SH3TC1: variants seen among roughly 807,000 people sequenced by gnomAD.
SH3TC1 encodes the protein SH3 domain and tetratricopeptide repeat-containing protein 1.
A neutral mutation model predicts 117.3 loss-of-function variants in SH3TC1; 135 were observed. That is an observed-to-expected ratio of 1.15 (90% CI 1.00 to 1.33). The LOEUF (loss-of-function observed/expected upper bound fraction) is 1.33, where lower values mean the gene tolerates loss of function less well. Among genes scored for constraint, SH3TC1 ranks in the 40% most tolerant of loss-of-function variants. SH3TC1 has a pLI of 0.00. For synonymous variants in SH3TC1, 898 were observed against 816.9 expected, an observed-to-expected ratio of 1.10 and a Z score of -1.69; for missense variants, 2,092 against 1,794.3, an observed-to-expected ratio of 1.17 and a Z score of -3.00.
chr4:8,212,698 C>T lies in SH3TC1; in HGVS notation c.248-3C>T. ...ACTGCCCAACCTCCGTCTGCCCCTC[C>T]AGACCTGACCCTGCAGCTGCTGGCT... On this transcript the variant is annotated splice_region_variant and splice_polypyrimidine_tract_variant and intron_variant, in intron 3 of 17. Coordinates refer to ENST00000245105, the MANE Select transcript of SH3TC1 (RefSeq NM_018986.5). The T allele has an allele frequency of 6.2e-7, 1 of 1,612,908 alleles. No homozygotes were observed.
At chr4:8,218,140 G>A (rs905140199) in intron 7 of SH3TC1, 131 bp from the exon 8 acceptor site, 16 of 585,844 alleles carry the variant, frequency 2.7e-5, no homozygotes, top group African/African-American at 1.5e-4. Context: ...GTGTGTGCAC[G>A]TGTGTGTGTT....
In SH3TC1 at chr4:8,228,514, G is replaced by T; in HGVS notation, c.2820G>T (p.Glu940Asp). The change falls in exon 12 of 18, where the codon GAG becomes GAT. Residue 940 changes from glutamate to aspartate, a missense_variant. Glu to Asp is a conservative substitution (Grantham distance 45). Coordinates refer to ENST00000245105, the MANE Select transcript of SH3TC1 (RefSeq NM_018986.5). ...TGTTCTCGAGGCTGCCCCTTGGGGA[G>T]TGTGGCCGGGACTTCACCCACGTGC... is the stretch of plus-strand genomic sequence containing the variant. Reference protein sequence around the residue: ...VRLFSRLPLGECGRDFTHVLL... With the variant: ...VRLFSRLPLGDCGRDFTHVLL... 2 of 1,611,512 alleles carry T rather than the reference G, an allele frequency of 1.2e-6. No individual in the cohort carries two copies. The highest frequency in any genetic ancestry group is 1.7e-6 in the Non-Finnish European group (2 of 1,179,556).
Position 8,236,271 on chromosome 4 carries a change from G to A in SH3TC1, c.3406-7G>A, listed in dbSNP as rs1578753450. 1 of 1,544,716 alleles carries A rather than the reference G, an allele frequency of 6.5e-7. No homozygotes were observed. The highest frequency in any genetic ancestry group is 8.7e-7 in the Non-Finnish European group (1 of 1,144,016). On this transcript the variant is annotated splice_polypyrimidine_tract_variant and splice_region_variant and intron_variant, in intron 15 of 17. Coordinates refer to ENST00000245105, the MANE Select transcript of SH3TC1 (RefSeq NM_018986.5). ...GGGAAGCCTGACCCCACCTGCCTGTGTGGCAGGACCGGGCCCTGCCCCTGG... is the reference window on the plus strand; with the variant it reads ...GGGAAGCCTGACCCCACCTGCCTGTATGGCAGGACCGGGCCCTGCCCCTGG...
chr4:8,187,706 C>T (rs1051423716), intron 1 of SH3TC1, among the ~76,000 whole-genome samples: 8 of 152,018 alleles, frequency 5.3e-5, no homozygotes, highest in African/African-American at 1.2e-4. Flanking sequence ...CACGTGCCAC[C>T]GCGCCCATCT....
intron 9 of SH3TC1, among the ~76,000 whole-genome samples, chr4:8,220,855 T>C (rs1719852877): frequency 6.6e-6 from 1 of 152,226 alleles, no homozygotes; most frequent in Admixed American, 6.5e-5. Flanking sequence ...CACCTGTGCA[T>C]CAGAAGCAGC....
In SH3TC1 at chr4:8,227,622, C is replaced by CGGAGGG; in HGVS notation, c.1933_1938dup (p.Gly645_Glu646dup). On this transcript the variant is annotated inframe_insertion, in exon 12 of 18. Coordinates refer to ENST00000245105, the MANE Select transcript of SH3TC1 (RefSeq NM_018986.5). ...CCTGACCACATCTGCAGCACCGAGG[C>CGGAGGG]GGAGGGGGAGCTCCTGCAGCTGGCG... 1 of 1,525,236 alleles carries CGGAGGG rather than the reference C, an allele frequency of 6.6e-7. No homozygotes were observed. 94.5% of individuals were successfully genotyped at this position (1,525,236 alleles called of 1,614,324 possible).
intron 1 of SH3TC1, among the ~76,000 whole-genome samples, chr4:8,188,026 A>G (rs575460407): frequency 1.5e-4 from 23 of 152,278 alleles, no homozygotes; most frequent in African/African-American, 4.1e-4. Flanking sequence ...CGGTTGATGG[A>G]TCACACTTCG....
At chr4:8,236,830 A>G in intron 16 of SH3TC1, 1 of 180,938 alleles carries the variant, frequency 5.5e-6, no homozygotes, top group Admixed American at 6.0e-5. Flanking sequence ...CCCTTCCAGC[A>G]GCCTGCCCCT....
At chr4:8,236,199 G>T (rs1240976999) in intron 15 of SH3TC1, 79 bp from the exon 16 acceptor site, 1 of 1,448,446 alleles carries the variant, frequency 6.9e-7, no homozygotes, top group African/African-American at 1.4e-5. Context: ...GAAGCTCCGA[G>T]CACATGTTTG....
At position 8,236,143 on chromosome 4, in the gene SH3TC1, T is replaced by A. The variant is rs1016637390; in HGVS notation, c.3406-135T>A. On this transcript the variant is annotated intron_variant, in intron 15 of 17. Coordinates refer to ENST00000245105, the MANE Select transcript of SH3TC1 (RefSeq NM_018986.5). The stretch of plus-strand genomic sequence containing the variant: ...TTGGGTGTCTGAACCGCCCTTTATC[T>A]CAGAGCACACAGCTGTGTCGAGGCC... 2.6e-6 allele frequency: 3 copies of A among 1,162,010 alleles called. No individual in the cohort carries two copies. In the South Asian group the frequency reaches 5.1e-5, roughly 20 times the overall value. 72.0% of individuals were successfully genotyped at this position (1,162,010 alleles called of 1,614,324 possible).
intron 12 of SH3TC1, among the ~76,000 whole-genome samples, chr4:8,229,561 A>T (rs1465661876): frequency 1.3e-5 from 2 of 151,148 alleles, no homozygotes. Flanking sequence ...AGCAGGGCCT[A>T]TGCAGGGAGG....
intron 4 of SH3TC1, among the ~76,000 whole-genome samples, chr4:8,213,505 C>A (rs1240773324): frequency 6.6e-6 from 1 of 152,212 alleles, no homozygotes; most frequent in Non-Finnish European, 1.5e-5. Flanking sequence ...ACACGTGGGG[C>A]TGTCGTGCAT....
Position 8,205,035 on chromosome 4 carries a change from G to T in SH3TC1, c.-28-132G>T. Reference sequence around the variant, plus strand: ...CAACACGGTGCACGGTGCGGTGAGGGGCTCGCTGGATCTGAAAGGTGCAGG... The same window carrying T: ...CAACACGGTGCACGGTGCGGTGAGGTGCTCGCTGGATCTGAAAGGTGCAGG... On this transcript the variant is annotated intron_variant, in intron 1 of 17. Transcript: ENST00000245105. This position sits in a 1 kb window ranked among gnomAD's most constrained non-coding sequence, Gnocchi z 5.4. 1 of 654,094 alleles carries T rather than the reference G, an allele frequency of 1.5e-6. No homozygotes were observed. Among genetic ancestry groups the T allele is most frequent in the Admixed American group, 3.4e-5 (1 of 29,220 alleles). The allele number at this position is 654,094 out of a possible 1,614,324, so 40.5% of individuals were successfully genotyped here.
chr4:8,236,905 A>G (rs1721870011), intron 16 of SH3TC1: 1 of 162,990 alleles, frequency 6.1e-6, no homozygotes, highest in Non-Finnish European at 1.3e-5. Context: ...GGAGCCCCAG[A>G]CAGGCCACAT....
At chr4:8,222,360 G>GTTTTTTTTTTTTTTTT (rs1561700499) in intron 9 of SH3TC1, among the ~76,000 whole-genome samples, 1 of 105,744 alleles carries the variant, frequency 9.5e-6, no homozygotes, top group Non-Finnish European at 1.8e-5. Context: ...GTCAGGATCT[G>GTTTTTTTTTTTTTTTT]GTTTTTTTTT....
rs1475088280 is a variant in SH3TC1, at chr4:8,227,442, T to C, written c.1748T>C (p.Phe583Ser). 6.4e-7 allele frequency: 1 copy of C among 1,560,168 alleles called. No homozygotes were observed. Among genetic ancestry groups the C allele is most frequent in the Non-Finnish European group, 8.6e-7 (1 of 1,157,328 alleles). ...AAGCTGTCCCAGGCCCGGGTGTACT[T>C]TGAGGAAGCGCTGGGGGCCCTGGAG... Reference protein sequence around the residue: ...RLKLSQARVYFEEALGALEGS... With the variant: ...RLKLSQARVYSEEALGALEGS... The change falls in exon 12 of 18, where the codon TTT becomes TCT. Residue 583 changes from phenylalanine (F) to serine (S), a missense_variant. Physicochemically the swap from Phe to Ser is radical, Grantham distance 155 (BLOSUM62 -2). Coordinates refer to ENST00000245105, the MANE Select transcript of SH3TC1 (RefSeq NM_018986.5).
intron 1 of SH3TC1, among the ~76,000 whole-genome samples, chr4:8,202,663 C>T (rs1433183167): frequency 3.3e-5 from 5 of 152,162 alleles, no homozygotes; most frequent in Admixed American, 6.5e-5. Context: ...CAGGGGCTGT[C>T]GCCTCTGCAA....
At chr4:8,238,464 A>G (rs1471429635) in intron 17 of SH3TC1, among the ~76,000 whole-genome samples, 1 of 152,184 alleles carries the variant, frequency 6.6e-6, no homozygotes, top group Non-Finnish European at 1.5e-5. Context: ...CTGGCACTGC[A>G]TCGGTGCTCG....
In SH3TC1 at chr4:8,222,876, G is replaced by A. The variant is rs2152989081; in HGVS notation, c.1149G>A (p.Lys383=). ...CGATTTTTCTCAATGAGGAAGAAAA[G>A]TCATTCTTCAGCGAGGGCTGCTTTT... ...ESAIFLNEEE[K]SFFSEGCFSE... Residue 383 remains lysine, a synonymous_variant, in exon 10 of 18, where the codon AAG becomes AAA. Transcript: ENST00000245105. The A allele has an allele frequency of 1.2e-6, 2 of 1,613,780 alleles. No homozygotes were observed. Among genetic ancestry groups the A allele is most frequent in the Non-Finnish European group, 1.7e-6 (2 of 1,179,838 alleles).
Sources: gnomAD v4.1 joint callset for allele counts (sites outside exome capture counted in the v4.1 genomes callset) on GRCh38, gnomAD v4.1.1 for gene constraint, Gnocchi (gnomAD v3.1) non-coding constraint, MANE v1.5 for transcripts, NCBI Gene and HGNC (gene_info 2026-07-23, HGNC 2026-07-21) for gene names.